The following ASPHD1 variants were observed in gnomAD, a reference collection of about 807,000 sequenced individuals.
The protein encoded by ASPHD1 is aspartate beta-hydroxylase domain-containing protein 1.
Under a neutral mutation model 28.3 loss-of-function variants are expected in ASPHD1, and 20 were observed. That is an observed-to-expected ratio of 0.71 (90% CI 0.50 to 1.03). ASPHD1 has a LOEUF of 1.03. ASPHD1 is among the 50% of genes least tolerant of loss of function. ASPHD1 has a pLI of 0.00. For synonymous variants in ASPHD1, 240 were observed against 221.2 expected (o/e 1.08, Z -0.75); for missense variants, 479 against 524.1 (o/e 0.91, Z 0.84).
rs2068531750 is a variant in ASPHD1, at chr16:29,900,880, AAGAGGGTGAGGAGGCGAC to A, written c.-85_-68del. The stretch of plus-strand genomic sequence containing the variant: ...AGAGGAGGCTGCTGGAAGGAGAAAG[AAGAGGGTGAGGAGGCGAC>A]AGAGGGAGAGGAGGAAGAAGAGGTA... On this transcript the variant is annotated 5_prime_UTR_variant, in exon 1 of 3. Transcript: ENST00000308748. 1.8e-6 allele frequency: 2 copies of A among 1,134,258 alleles called. No individual in the cohort carries two copies. The highest frequency in any genetic ancestry group is 3.1e-5 in the African/African-American group (2 of 64,080). 70.3% of individuals were successfully genotyped at this position (1,134,258 alleles called of 1,614,324 possible).
At chr16:29,906,599 C>T (rs2068617569), downstream of ASPHD1, 1 of 622,540 alleles carries the variant, frequency 1.6e-6, no homozygotes, top group Non-Finnish European at 3.0e-6. Flanking sequence ...CTAAATCCCT[C>T]TTAACCAGCT....
At chr16:29,907,039 G>A, downstream of ASPHD1, 1 of 1,614,000 alleles carries the variant, frequency 6.2e-7, no homozygotes, top group Non-Finnish European at 8.5e-7. Context: ...GCTGGGTCTG[G>A]GCCCCGGGGA....
chr16:29,912,875 A>C, intron 3 of ASPHD1, among the ~76,000 whole-genome samples: 1 of 152,216 alleles, frequency 6.6e-6, no homozygotes, highest in East Asian at 1.9e-4. Context: ...GAATGAATGA[A>C]CATATTTGTT....
rs538500893 is a variant in ASPHD1, at chr16:29,916,729, T to G, written c.*63-2802T>G. 5.9e-5 allele frequency among the ~76,000 whole-genome samples: 9 copies of G among 152,272 alleles called. No homozygotes were observed. In the East Asian group the frequency reaches 1.7e-3, roughly 29 times the overall value. ...AAAATAAATAAATAAAAATAAACAT[T>G]ATCTCACATAGTTTCTGTGGGTCAG... is the stretch of plus-strand genomic sequence containing the variant. On this transcript the variant is annotated intron_variant and NMD_transcript_variant, in intron 3 of 3. Transcript: ENST00000414952.
In ASPHD1 at chr16:29,900,903, G is replaced by T; in HGVS notation, c.-69G>T. The T allele has an allele frequency of 2.1e-6, 3 of 1,400,532 alleles. No homozygotes were observed. Among genetic ancestry groups the T allele is most frequent in the Non-Finnish European group, 9.8e-7 (1 of 1,016,496 alleles). 86.8% of individuals were successfully genotyped at this position (1,400,532 alleles called of 1,614,324 possible). On this transcript the variant is annotated 5_prime_UTR_variant, in exon 1 of 3. Coordinates refer to ENST00000308748, the MANE Select transcript of ASPHD1 (RefSeq NM_181718.4). Reference sequence around the variant, plus strand: ...AGAAGAGGGTGAGGAGGCGACAGAGGGAGAGGAGGAAGAAGAGGTAGAAGG... The same window carrying T: ...AGAAGAGGGTGAGGAGGCGACAGAGTGAGAGGAGGAAGAAGAGGTAGAAGG...
rs1160686665 is a variant in ASPHD1, at chr16:29,901,103, G to T, written c.132G>T (p.Gly44=). The change falls in exon 1 of 3, where the codon GGG becomes GGT. Residue 44 remains glycine, a synonymous_variant. Coordinates refer to ENST00000308748, the MANE Select transcript of ASPHD1 (RefSeq NM_181718.4). The surrounding 1 kb of genome is among the most constrained non-coding windows in gnomAD (Gnocchi z 5.1). The stretch of plus-strand genomic sequence containing the variant: ...GGGCAGCCATGGAAGGGACAGGTGG[G>T]GAGCTGGGGGGACAGGGGAACTGGG... ...SQGAAMEGTG[G]ELGGQGNWGP... is the part of the protein sequence containing the mutation. 6.2e-7 allele frequency: 1 copy of T among 1,609,994 alleles called. No individual in the cohort carries two copies. Among genetic ancestry groups the T allele is most frequent in the Non-Finnish European group, 8.5e-7 (1 of 1,177,998 alleles).
chr16:29,903,324 C>T (rs541530650), intron 1 of ASPHD1, among the ~76,000 whole-genome samples: 9 of 151,924 alleles, frequency 5.9e-5, no homozygotes, highest in Non-Finnish European at 1.3e-4. Flanking sequence ...ACATTGCACT[C>T]CAGCCTGGGC....
In ASPHD1 at chr16:29,900,912, G is replaced by A; in HGVS notation, c.-60G>A. ...TGAGGAGGCGACAGAGGGAGAGGAGGAAGAAGAGGTAGAAGGAGAGAGAAA... is the reference window on the plus strand; with the variant it reads ...TGAGGAGGCGACAGAGGGAGAGGAGAAAGAAGAGGTAGAAGGAGAGAGAAA... On this transcript the variant is annotated 5_prime_UTR_variant, in exon 1 of 3. Transcript: ENST00000308748. 1 of 1,461,116 alleles carries A rather than the reference G, an allele frequency of 6.8e-7. No homozygotes were observed. Among genetic ancestry groups the A allele is most frequent in the Non-Finnish European group, 9.3e-7 (1 of 1,069,808 alleles). The allele number at this position is 1,461,116 out of a possible 1,614,324, so 90.5% of individuals were successfully genotyped here.
In ASPHD1 at chr16:29,901,342, A is replaced by G. The variant is rs1466228752; in HGVS notation, c.371A>G (p.Glu124Gly). 1.2e-6 allele frequency: 2 copies of G among 1,603,740 alleles called. No homozygotes were observed. The highest frequency in any genetic ancestry group is 3.4e-5 in the Admixed American group (2 of 58,586). The change falls in exon 1 of 3, where the codon GAG (glutamate) becomes GGG (glycine). Residue 124 changes from glutamate (E) to glycine (G), a missense_variant. By Grantham distance (98) the Glu-to-Gly change is moderately conservative. Coordinates refer to ENST00000308748, the MANE Select transcript of ASPHD1 (RefSeq NM_181718.4). This position sits in a 1 kb window ranked among gnomAD's most constrained non-coding sequence, Gnocchi z 5.1. ...GVRGGPVGCS[E>G]AGGPSPGGPG... is the part of the protein sequence containing the mutation. Reference sequence around the variant, plus strand: ...CGTGGTGGGCCTGTGGGATGCTCGGAGGCCGGCGGGCCAAGCCCAGGGGGT... The same window carrying G: ...CGTGGTGGGCCTGTGGGATGCTCGGGGGCCGGCGGGCCAAGCCCAGGGGGT...
chr16:29,919,011 C>T (rs541651679), intron 3 of ASPHD1, among the ~76,000 whole-genome samples: 1 of 152,326 alleles, frequency 6.6e-6, no homozygotes, highest in Admixed American at 6.5e-5. Flanking sequence ...CCAGGCTGGT[C>T]TCAAACTCCT....
chr16:29,905,427 A>T (rs1438620691), intron 2 of ASPHD1, among the ~76,000 whole-genome samples: 1 of 152,020 alleles, frequency 6.6e-6, no homozygotes, highest in African/African-American at 2.4e-5. Flanking sequence ...GGAGTTCGAG[A>T]CCAGCCTGGC....
rs553092203 is a variant in ASPHD1 at position 29,900,730 on chromosome 16, G to A, written c.-242G>A. On this transcript the variant is annotated 5_prime_UTR_variant, in exon 1 of 3. Coordinates refer to ENST00000308748, the MANE Select transcript of ASPHD1 (RefSeq NM_181718.4). ...CAGGCTGCGGGTTCCCGGGACTGCA[G>A]GTCCAGGCAGGGTAGGAACCGCTGC... is the stretch of plus-strand genomic sequence containing the variant. 6.4e-4 allele frequency: 368 copies of A among 576,648 alleles called. 1 individual carries two copies. In the African/African-American group the frequency reaches 6.6e-3, roughly 10 times the overall value. The allele number at this position is 576,648 out of a possible 1,614,324, so 35.7% of individuals were successfully genotyped here.
At chr16:29,919,171 G>A (rs531781675) in intron 3 of ASPHD1, among the ~76,000 whole-genome samples, 10 of 152,258 alleles carry the variant, frequency 6.6e-5, no homozygotes, top group African/African-American at 1.4e-4. Context: ...AAACGATACC[G>A]GGAGTAAACA....
At chr16:29,918,915 C>T (rs2068860210) in intron 3 of ASPHD1, among the ~76,000 whole-genome samples, 1 of 151,472 alleles carries the variant, frequency 6.6e-6, no homozygotes, top group South Asian at 2.1e-4. Context: ...GCCTCAGCCT[C>T]CCAAAGTGCT....
chr16:29,918,169 TGTAATTACTGGTTCAGG>T (rs2068842601), intron 3 of ASPHD1, among the ~76,000 whole-genome samples: 1 of 152,222 alleles, frequency 6.6e-6, no homozygotes, highest in African/African-American at 2.4e-5. Context: ...GTGGCACAAA[TGTAATTACTGGTTCAGG>T]TAAGGATTAT....
intron 3 of ASPHD1, chr16:29,919,367 G>A (rs558480707): frequency 3.9e-5 from 6 of 152,194 alleles, no homozygotes; most frequent in Admixed American, 2.0e-4. Context: ...AATGCTTATG[G>A]TATTATTATG....
intron 3 of ASPHD1, chr16:29,911,231 C>A: frequency 7.3e-7 from 1 of 1,367,530 alleles, no homozygotes; most frequent in African/African-American, 1.4e-5. Flanking sequence ...CTCTGTACCC[C>A]CAGAAGACGG....
chr16:29,918,522 G>A (rs899478454), intron 3 of ASPHD1, among the ~76,000 whole-genome samples: 22 of 152,080 alleles, frequency 1.4e-4, no homozygotes, highest in Admixed American at 4.6e-4. Flanking sequence ...CCAGGCTGGA[G>A]TGCAGTGGTG....
chr16:29,916,070 C>A (rs1168563571), intron 3 of ASPHD1, among the ~76,000 whole-genome samples: 1 of 152,098 alleles, frequency 6.6e-6, no homozygotes, highest in African/African-American at 2.4e-5. Context: ...CTAGACCATC[C>A]GTTCCTTAGG....
Sources: allele counts gnomAD v4.1 joint callset (sites outside exome capture counted in the v4.1 genomes callset), GRCh38; gene constraint gnomAD v4.1.1; non-coding constraint Gnocchi (gnomAD v3.1); transcripts MANE v1.5; gene names NCBI Gene and HGNC (gene_info 2026-07-23, HGNC 2026-07-21).